CUX2: variants seen among roughly 807,000 people sequenced by gnomAD.
CUX2 encodes cut like homeobox 2.
Under a neutral mutation model 144.8 loss-of-function variants are expected in CUX2, and 40 were observed. The observed-to-expected ratio is 0.28, with a 90% CI of 0.21 to 0.36. The LOEUF (loss-of-function observed/expected upper bound fraction) is 0.36. CUX2 is among the 10% of genes least tolerant of loss of function. The pLI is 1.00. For synonymous variants in CUX2, 827 were observed against 875.6 expected, an observed-to-expected ratio of 0.94 and a Z score of 0.98; for missense variants, 1,615 against 1,994.0, an observed-to-expected ratio of 0.81 and a Z score of 3.62.
rs1417513407 is a variant in CUX2 at position 111,246,326 on chromosome 12, A to G, written c.223-17435A>G. Among the ~76,000 whole-genome samples the G allele has an allele frequency of 6.6e-6, 1 of 152,180 alleles. No homozygotes were observed. The highest frequency in any genetic ancestry group is 1.5e-5 in the Non-Finnish European group (1 of 68,022). On this transcript the variant is annotated intron_variant, in intron 3 of 21. Coordinates refer to ENST00000261726, the MANE Select transcript of CUX2 (RefSeq NM_015267.4). This position sits in a 1 kb window ranked among gnomAD's most constrained non-coding sequence, Gnocchi z 4.0. ...CAGACCTTTTTTATTTTTTCTCACC[A>G]GTCAGCCACTTGTTAAACCTTTACC...
At chr12:111,299,435 A>G (rs2136347864) in intron 9 of CUX2, among the ~76,000 whole-genome samples, 1 of 152,258 alleles carries the variant, frequency 6.6e-6, no homozygotes, top group East Asian at 1.9e-4. Flanking sequence ...TCCCTCCTAC[A>G]GAGGAGACTT....
At chr12:111,185,475 G>A (rs534575367) in intron 1 of CUX2, among the ~76,000 whole-genome samples, 11 of 152,340 alleles carry the variant, frequency 7.2e-5, no homozygotes, top group South Asian at 2.1e-4. Context: ...CGGCGTAATC[G>A]TGTACTGAAA....
chr12:111,251,884 A>G (rs1363252390), intron 3 of CUX2, among the ~76,000 whole-genome samples: 2 of 151,908 alleles, frequency 1.3e-5, no homozygotes, highest in Non-Finnish European at 2.9e-5. Context: ...CTGTCTCTCT[A>G]TCTGTCTGTA....
At chr12:111,330,447 C>T (rs1359352934) in intron 18 of CUX2, among the ~76,000 whole-genome samples, 1 of 151,784 alleles carries the variant, frequency 6.6e-6, no homozygotes, top group African/African-American at 2.4e-5. Context: ...ATCTTGGACA[C>T]GTTGTCTAAC....
chr12:111,164,095 T>G (rs1304466158), intron 1 of CUX2, among the ~76,000 whole-genome samples: 1 of 152,156 alleles, frequency 6.6e-6, no homozygotes, highest in Non-Finnish European at 1.5e-5. Flanking sequence ...TGGCATGTAG[T>G]AAGTACTGTC....
chr12:111,200,644 G>A lies in CUX2; in HGVS notation c.64-13556G>A, dbSNP rs539181075. On this transcript the variant is annotated intron_variant, in intron 1 of 21. Transcript: ENST00000261726. ...TCCAGGCCTCCCTCCCGGAGGTGTC[G>A]TCACTTGGCTCAGTGTCTTCAGACC... Among the ~76,000 whole-genome samples, 29 of 152,182 alleles carry A rather than the reference G, an allele frequency of 1.9e-4. No individual in the cohort carries two copies. The South Asian group carries it at 4.6e-3, about 24-fold the overall frequency.
chr12:111,232,579 A>G (rs546958243), intron 3 of CUX2, among the ~76,000 whole-genome samples: 1 of 152,328 alleles, frequency 6.6e-6, no homozygotes, highest in South Asian at 2.1e-4. Context: ...ACCATTTTGT[A>G]TAAAGGATTT....
At chr12:111,185,417 A>C (rs1391922731) in intron 1 of CUX2, among the ~76,000 whole-genome samples, 1 of 152,210 alleles carries the variant, frequency 6.6e-6, no homozygotes, top group African/African-American at 2.4e-5. Flanking sequence ...TCTATGCCTC[A>C]CTTTTGCCAT....
intron 4 of CUX2, among the ~76,000 whole-genome samples, chr12:111,280,796 A>G (rs1885088146): frequency 6.6e-6 from 1 of 152,064 alleles, no homozygotes; most frequent in Non-Finnish European, 1.5e-5. Flanking sequence ...GAGGACTCCA[A>G]TCATTGCATT....
intron 1 of CUX2, among the ~76,000 whole-genome samples, chr12:111,213,026 C>G: frequency 6.6e-6 from 1 of 152,208 alleles, no homozygotes; most frequent in East Asian, 1.9e-4. Context: ...GGTGCCGGGC[C>G]TCATCATACA....
intron 1 of CUX2, among the ~76,000 whole-genome samples, chr12:111,046,409 C>T (rs954220524): frequency 6.6e-6 from 1 of 152,206 alleles, no homozygotes; most frequent in Non-Finnish European, 1.5e-5. Context: ...GAAGGGAAAA[C>T]GATGACCATT....
chr12:111,199,957 C>T (rs773595631), intron 1 of CUX2, among the ~76,000 whole-genome samples: 12 of 152,260 alleles, frequency 7.9e-5, no homozygotes, highest in Non-Finnish European at 1.3e-4. Context: ...ACTCTGTTTG[C>T]GTGCTGCGTG....
At chr12:111,259,271 T>C (rs1281422126) in intron 3 of CUX2, among the ~76,000 whole-genome samples, 2 of 152,100 alleles carry the variant, frequency 1.3e-5, no homozygotes, top group African/African-American at 4.8e-5. Flanking sequence ...AAAGCAAGGA[T>C]CAGCTAACTT....
chr12:111,199,157 G>A (rs896295856), intron 1 of CUX2, among the ~76,000 whole-genome samples: 4 of 152,152 alleles, frequency 2.6e-5, no homozygotes, highest in African/African-American at 7.2e-5. Context: ...ATTTCTGGAC[G>A]TTGGCGGGAT....
chr12:111,315,911 A>G (rs1887164811), intron 16 of CUX2, among the ~76,000 whole-genome samples: 2 of 152,158 alleles, frequency 1.3e-5, no homozygotes, highest in African/African-American at 4.8e-5. Flanking sequence ...GACAAACCAG[A>G]CTACACTTCC....
intron 1 of CUX2, among the ~76,000 whole-genome samples, chr12:111,103,288 C>T (rs569811591): frequency 6.4e-4 from 97 of 152,244 alleles, no homozygotes; most frequent in African/African-American, 2.2e-3. Context: ...ATAAACAGGG[C>T]GCCTGATGGA....
At chr12:111,149,701 AG>A (rs1876916552) in intron 1 of CUX2, among the ~76,000 whole-genome samples, 1 of 152,140 alleles carries the variant, frequency 6.6e-6, no homozygotes, top group South Asian at 2.1e-4. Context: ...TGTGCAAAAG[AG>A]GTCATTTGGG....
intron 1 of CUX2, among the ~76,000 whole-genome samples, chr12:111,087,524 A>G (rs958725076): frequency 6.6e-6 from 1 of 152,226 alleles, no homozygotes; most frequent in Non-Finnish European, 1.5e-5. Flanking sequence ...AAACACACGC[A>G]AGTGCTTTGC....
chr12:111,192,845 C>T (rs1475703784), intron 1 of CUX2, among the ~76,000 whole-genome samples: 1 of 152,212 alleles, frequency 6.6e-6, no homozygotes, highest in Non-Finnish European at 1.5e-5. Flanking sequence ...AGAAGCTATC[C>T]AAGGTGTGAT....
Sources: allele counts gnomAD v4.1 joint callset (sites outside exome capture counted in the v4.1 genomes callset), GRCh38; gene constraint gnomAD v4.1.1; non-coding constraint Gnocchi (gnomAD v3.1); transcripts MANE v1.5; gene names NCBI Gene and HGNC (gene_info 2026-07-23, HGNC 2026-07-21).